The following PLA2G5 variants were observed in gnomAD, a reference collection of about 807,000 sequenced individuals.
The protein encoded by PLA2G5 is phospholipase A2 group V, also known as Ca2+-dependent phospholipase A2.
Under a neutral mutation model 15.9 loss-of-function variants are expected in PLA2G5, and 12 were observed. The ratio of observed to expected loss-of-function variants is 0.76; its 90% CI spans 0.48 to 1.23. PLA2G5 has a LOEUF of 1.23. Ranked by LOEUF, PLA2G5 falls within the 50% of genes most tolerant of loss-of-function variation. The pLI is 0.00. For synonymous variants in PLA2G5, 71 were observed against 71.4 expected (o/e 0.99, Z 0.03); for missense variants, 169 against 177.1 (o/e 0.95, Z 0.26).
upstream of PLA2G5, among the ~76,000 whole-genome samples, chr1:20,069,663 AAAAGAAAG>A (rs57068796): frequency 0.047 from 6,626 of 142,412 alleles, 236 homozygotes; most frequent in African/African-American, 0.096. Flanking sequence ...CTCAGCTCAG[AAAAGAAAG>A]AAAGAAAGAA....
chr1:20,047,385 T>G (rs2013962786), intron 1 of PLA2G5, among the ~76,000 whole-genome samples: 1 of 151,890 alleles, frequency 6.6e-6, no homozygotes, highest in Admixed American at 6.6e-5. Context: ...ACAAATGATG[T>G]AAGAATGAGG....
At chr1:20,081,113 T>C (rs969619135) in intron 1 of PLA2G5, among the ~76,000 whole-genome samples, 6 of 151,796 alleles carry the variant, frequency 4.0e-5, no homozygotes, top group African/African-American at 7.3e-5. Context: ...CATCTTCCTA[T>C]GGGCTGTCCG....
chr1:20,056,966 G>T (rs1422922056), intron 1 of PLA2G5, among the ~76,000 whole-genome samples: 4 of 152,172 alleles, frequency 2.6e-5, no homozygotes, highest in Non-Finnish European at 5.9e-5. Context: ...TCAAGGAATT[G>T]GTCCATTTCA....
In PLA2G5 at chr1:20,070,337, A is replaced by G. The variant is rs910800655; in HGVS notation, c.-139A>G. ...CAAGAATTTGACTCCCCCCGGATCCATGGTCTGTGGATACCAATGTTCCGA... is the reference window on the plus strand; with the variant it reads ...CAAGAATTTGACTCCCCCCGGATCCGTGGTCTGTGGATACCAATGTTCCGA... On this transcript the variant is annotated 5_prime_UTR_variant, in exon 1 of 5. The change abolishes an upstream ATG in the 5' untranslated region. Coordinates refer to ENST00000375108, the MANE Select transcript of PLA2G5 (RefSeq NM_000929.3). The G allele has an allele frequency of 2.0e-6, 2 of 985,374 alleles. No homozygotes were observed. Among genetic ancestry groups the G allele is most frequent in the African/African-American group, 1.7e-5 (1 of 57,238 alleles). The allele number at this position is 985,374 out of a possible 1,614,324, so 61.0% of individuals were successfully genotyped here.
At chr1:20,053,055 A>G (rs1055659775) in intron 1 of PLA2G5, among the ~76,000 whole-genome samples, 3 of 152,134 alleles carry the variant, frequency 2.0e-5, no homozygotes, top group Non-Finnish European at 4.4e-5. Context: ...TAAAATGTAT[A>G]AAACCAAACT....
chr1:20,062,653 C>T (rs1265378334), intron 2 of PLA2G5, among the ~76,000 whole-genome samples: 3 of 152,122 alleles, frequency 2.0e-5, no homozygotes, highest in Non-Finnish European at 2.9e-5. Flanking sequence ...AACAAACAAA[C>T]CACCAAAATT....
intron 3 of PLA2G5, 68 bp from the exon 4 acceptor site, chr1:20,089,721 G>T: frequency 8.1e-7 from 1 of 1,237,414 alleles, no homozygotes. Context: ...TTGAATTTTT[G>T]CTCCTATTAG....
At chr1:20,035,442 C>G (rs1416033314) in intron 1 of PLA2G5, among the ~76,000 whole-genome samples, 3 of 152,204 alleles carry the variant, frequency 2.0e-5, no homozygotes, top group African/African-American at 4.8e-5. Context: ...GCCTGAACCT[C>G]TTTGGAATGT....
chr1:20,085,226 A>G (rs938795777), intron 2 of PLA2G5, among the ~76,000 whole-genome samples: 3 of 152,164 alleles, frequency 2.0e-5, no homozygotes, highest in Admixed American at 6.5e-5. Context: ...TCCAAATAAA[A>G]ATCAAAACTC....
At chr1:20,056,687 A>G (rs1214218224) in intron 1 of PLA2G5, among the ~76,000 whole-genome samples, 4 of 152,076 alleles carry the variant, frequency 2.6e-5, no homozygotes, top group Admixed American at 1.3e-4. Flanking sequence ...CTTTCTTATA[A>G]TATCTTTGTC....
At chr1:20,080,827 G>A (rs2015971472) in intron 1 of PLA2G5, among the ~76,000 whole-genome samples, 1 of 151,816 alleles carries the variant, frequency 6.6e-6, no homozygotes, top group Non-Finnish European at 1.5e-5. Context: ...CTTTGGGGCT[G>A]CTTTGCCTGA....
intron 1 of PLA2G5, among the ~76,000 whole-genome samples, chr1:20,055,181 G>A (rs1055175710): frequency 2.0e-5 from 3 of 152,218 alleles, no homozygotes; most frequent in Admixed American, 2.0e-4. Context: ...ACAGAGAAAC[G>A]TATGCCAGAT....
chr1:20,055,113 T>C (rs541928495), intron 1 of PLA2G5, among the ~76,000 whole-genome samples: 2 of 152,322 alleles, frequency 1.3e-5, no homozygotes, highest in African/African-American at 4.8e-5. Flanking sequence ...TATGTGGGAA[T>C]GCAACTGTGA....
At chr1:20,034,372 A>T (rs1420143762) in intron 1 of PLA2G5, among the ~76,000 whole-genome samples, 1 of 152,224 alleles carries the variant, frequency 6.6e-6, no homozygotes, top group Non-Finnish European at 1.5e-5. Flanking sequence ...ATAGTAAAAA[A>T]GGCATTCTTT....
chr1:20,086,257 G>T (rs1425240203), intron 3 of PLA2G5, 30 bp downstream of exon 3: 2 of 1,610,332 alleles, frequency 1.2e-6, no homozygotes, highest in Non-Finnish European at 1.7e-6. Context: ...TGCCCTTTAG[G>T]CTCCAGGCTC....
chr1:20,036,753 C>G (rs940560162), intron 1 of PLA2G5, among the ~76,000 whole-genome samples: 1 of 152,298 alleles, frequency 6.6e-6, no homozygotes, highest in East Asian at 1.9e-4. Flanking sequence ...GCAACCTCTG[C>G]CTCCTGGGTT....
At chr1:20,057,419 G>T (rs2014493900) in intron 1 of PLA2G5, among the ~76,000 whole-genome samples, 1 of 150,704 alleles carries the variant, frequency 6.6e-6, no homozygotes. Flanking sequence ...TTTCTGCTTT[G>T]CAGAAATTAA....
intron 1 of PLA2G5, among the ~76,000 whole-genome samples, chr1:20,054,304 G>A (rs2014327444): frequency 6.6e-6 from 1 of 152,206 alleles, no homozygotes; most frequent in Non-Finnish European, 1.5e-5. Flanking sequence ...ACTAAAGGAG[G>A]AAGGATTATT....
At chr1:20,036,226 T>A (rs1009440420) in intron 1 of PLA2G5, among the ~76,000 whole-genome samples, 2 of 152,200 alleles carry the variant, frequency 1.3e-5, no homozygotes, top group African/African-American at 4.8e-5. Flanking sequence ...TAGGTGATGA[T>A]CTTTTTGTGA....
Sources: gnomAD v4.1 joint callset for allele counts (sites outside exome capture counted in the v4.1 genomes callset) on GRCh38, gnomAD v4.1.1 for gene constraint, MANE v1.5 for transcripts, NCBI Gene and HGNC (gene_info 2026-07-23, HGNC 2026-07-21) for gene names.